PDE6A: variants seen among roughly 807,000 people sequenced by gnomAD.
PDE6A encodes the protein phosphodiesterase 6A.
Under a neutral mutation model 106.3 loss-of-function variants are expected in PDE6A, and 84 were observed. That is an observed-to-expected ratio of 0.79 (90% CI 0.66 to 0.95). The LOEUF (loss-of-function observed/expected upper bound fraction) is 0.95, where lower values mean the gene tolerates loss of function less well. Among genes scored for constraint, PDE6A ranks in the 40% least tolerant of loss-of-function variants. The pLI is 0.00. For missense variants in PDE6A, 1,052 were observed against 1,084.9 expected (o/e 0.97, Z 0.43); for synonymous variants, 394 against 386.6 (o/e 1.02, Z -0.23).
chr5:149,918,628 T>C (rs529673667), intron 5 of PDE6A, among the ~76,000 whole-genome samples: 1 of 152,316 alleles, frequency 6.6e-6, no homozygotes, highest in South Asian at 2.1e-4. Flanking sequence ...TTTACTTTTT[T>C]TGAGCCAGGA....
Position 149,909,313 on chromosome 5 carries a change from C to T in PDE6A, c.999-1935G>A, listed in dbSNP as rs143004043. 2.1e-3 allele frequency among the ~76,000 whole-genome samples: 313 copies of T among 152,362 alleles called. 1 individual carries two copies. The highest frequency in any genetic ancestry group is 7.3e-3 in the African/African-American group (303 of 41,584). On this transcript the variant is annotated intron_variant, in intron 6 of 21. Transcript: ENST00000255266. ...GTAGGACTGTAGGCATGTGCCATCA[C>T]ACCCAGCCAATTTTTAAAATTTTTT...
chr5:149,936,575 A>C (rs1191994895), intron 1 of PDE6A, among the ~76,000 whole-genome samples: 1 of 152,198 alleles, frequency 6.6e-6, no homozygotes, highest in Non-Finnish European at 1.5e-5. Flanking sequence ...AATCCACCAG[A>C]AAGCTCATTC....
intron 7 of PDE6A, 58 bp from the exon 8 acceptor site, chr5:149,903,753 G>A: frequency 7.7e-7 from 1 of 1,291,044 alleles, no homozygotes. Flanking sequence ...GGTGCCCAGT[G>A]AAGCACTGTA....
intron 1 of PDE6A, among the ~76,000 whole-genome samples, chr5:149,935,192 A>G (rs1754147557): frequency 6.6e-6 from 1 of 152,168 alleles, no homozygotes; most frequent in African/African-American, 2.4e-5. Flanking sequence ...TCAGTAGCCC[A>G]TCTTACAGAA....
chr5:149,920,335 C>T (rs1161719742), intron 5 of PDE6A, among the ~76,000 whole-genome samples: 1 of 152,182 alleles, frequency 6.6e-6, no homozygotes, highest in Non-Finnish European at 1.5e-5. Context: ...AATCTCAGCA[C>T]TGTGGGAGGC....
At chr5:149,878,147 A>C (rs1760805944) in intron 17 of PDE6A, among the ~76,000 whole-genome samples, 2 of 152,192 alleles carry the variant, frequency 1.3e-5, no homozygotes, top group Non-Finnish European at 2.9e-5. Context: ...AGGAAGATTA[A>C]TATTACAAAA....
intron 6 of PDE6A, among the ~76,000 whole-genome samples, chr5:149,912,807 T>C (rs1404074583): frequency 2.6e-5 from 4 of 152,078 alleles, no homozygotes; most frequent in African/African-American, 9.7e-5. Flanking sequence ...AAGATTTGTG[T>C]CAGAAACAGG....
At chr5:149,928,119 G>A (rs567765186) in intron 4 of PDE6A, among the ~76,000 whole-genome samples, 3 of 145,424 alleles carry the variant, frequency 2.1e-5, no homozygotes, top group Admixed American at 1.4e-4. Context: ...ATGGAAAAAA[G>A]TTGTAGTATA....
chr5:149,886,797 T>A (rs1752324144), intron 13 of PDE6A, among the ~76,000 whole-genome samples: 1 of 152,246 alleles, frequency 6.6e-6, no homozygotes, highest in Non-Finnish European at 1.5e-5. Context: ...CGTGGTCTAC[T>A]GGTTTAAGCA....
intron 1 of PDE6A, chr5:149,940,278 A>G (rs1280140792): frequency 6.6e-6 from 1 of 152,224 alleles, no homozygotes; most frequent in Non-Finnish European, 1.5e-5. Context: ...CTTGTTGGCT[A>G]CAATTACAGT....
At position 149,900,092 on chromosome 5, in the gene PDE6A, A is replaced by T. The variant is rs1387870117; in HGVS notation, c.1114-568T>A. 2.0e-5 allele frequency among the ~76,000 whole-genome samples: 3 copies of T among 152,064 alleles called. No individual in the cohort carries two copies. The East Asian group carries it at 5.8e-4, about 30-fold the overall frequency. On this transcript the variant is annotated intron_variant, in intron 8 of 21. Transcript: ENST00000255266. ...GGTGAGGCTAGGCATGGCGACTCAC[A>T]CCTATAATCCCAGCATTTTGGGAAG...
At chr5:149,914,768 C>G (rs1157033934) in intron 6 of PDE6A, among the ~76,000 whole-genome samples, 175 bp downstream of exon 6, 2 of 151,450 alleles carry the variant, frequency 1.3e-5, no homozygotes, top group African/African-American at 4.8e-5. Flanking sequence ...TTAACATGTT[C>G]TTTGATCTTT....
At chr5:149,877,944 G>T (rs867703244) in intron 17 of PDE6A, among the ~76,000 whole-genome samples, 2 of 152,132 alleles carry the variant, frequency 1.3e-5, no homozygotes, top group African/African-American at 2.4e-5. Context: ...ATACTAGGGG[G>T]TCCTGGAGCC....
chr5:149,914,879 TA>T, intron 6 of PDE6A, 63 bp downstream of exon 6: 11 of 1,081,132 alleles, frequency 1.0e-5, no homozygotes. Flanking sequence ...GAATCACCGA[TA>T]AAGCCAATTG....
chr5:149,889,751 C>A (rs570005164), intron 13 of PDE6A, among the ~76,000 whole-genome samples: 3 of 151,798 alleles, frequency 2.0e-5, no homozygotes, highest in Non-Finnish European at 2.9e-5. Context: ...ACTAAAAGTA[C>A]AAAAAGTTAG....
chr5:149,936,666 C>T (rs149228088), intron 1 of PDE6A, among the ~76,000 whole-genome samples: 2 of 152,190 alleles, frequency 1.3e-5, no homozygotes, highest in Non-Finnish European at 2.9e-5. Context: ...TCATTATCAT[C>T]CCTATATATT....
intron 5 of PDE6A, among the ~76,000 whole-genome samples, chr5:149,920,570 A>C (rs1231465752): frequency 1.3e-5 from 2 of 152,112 alleles, no homozygotes; most frequent in African/African-American, 4.8e-5. Context: ...ACAAGAGCAA[A>C]ACTCCATCTC....
intron 7 of PDE6A, 56 bp from the exon 8 acceptor site, chr5:149,903,751 G>A: frequency 7.8e-7 from 1 of 1,288,674 alleles, no homozygotes; most frequent in Non-Finnish European, 1.1e-6. Context: ...AGGGTGCCCA[G>A]TGAAGCACTG....
chr5:149,861,293 C>T (rs1026792309), intron 21 of PDE6A, among the ~76,000 whole-genome samples: 15 of 152,328 alleles, frequency 9.8e-5, no homozygotes, highest in African/African-American at 3.6e-4. Flanking sequence ...CGGCTTCAGC[C>T]AATTGTTGTC....
Sources: allele counts gnomAD v4.1 joint callset (sites outside exome capture counted in the v4.1 genomes callset), GRCh38; gene constraint gnomAD v4.1.1; transcripts MANE v1.5; gene names NCBI Gene and HGNC (gene_info 2026-07-23, HGNC 2026-07-21).